SV2C: variants seen among roughly 807,000 people sequenced by gnomAD.
The protein encoded by SV2C is synaptic vesicle glycoprotein 2C, also known as solute carrier family 22 member B3.
SV2C carries 49 observed loss-of-function variants against 79.7 expected under a neutral mutation model. The ratio of observed to expected loss-of-function variants is 0.61; its 90% CI spans 0.49 to 0.78. The LOEUF is 0.78. SV2C is among the 30% of genes least tolerant of loss of function. The probability of loss-of-function intolerance (pLI) is 0.00; values close to 1 mark genes in which losing one functional copy is unlikely to be tolerated. For synonymous variants in SV2C, 334 were observed against 333.2 expected, an observed-to-expected ratio of 1.00 and a Z score of -0.03; for missense variants, 833 against 912.9, an observed-to-expected ratio of 0.91 and a Z score of 1.13.
chr5:76,024,523 T>C, the SV2C span, among the ~76,000 whole-genome samples: 124,485 of 152,134 alleles, frequency 0.82, 51,588 homozygotes, highest in African/African-American at 0.95. Context: ...TTTGTAGGAG[T>C]TTTTTGCTAT....
intron 4 of SV2C, among the ~76,000 whole-genome samples, chr5:76,263,358 C>T (rs1211430342): frequency 6.6e-6 from 1 of 151,934 alleles, no homozygotes; most frequent in Non-Finnish European, 1.5e-5. Context: ...CTATGTGTGT[C>T]TTTGCATGTG....
At chr5:75,914,859 C>A in the SV2C span, among the ~76,000 whole-genome samples, 1 of 152,092 alleles carries the variant, frequency 6.6e-6, no homozygotes, top group Non-Finnish European at 1.5e-5. Flanking sequence ...TAATGACATA[C>A]CTGAAACTGG....
intron 4 of SV2C, among the ~76,000 whole-genome samples, chr5:76,277,779 A>G (rs1406575226): frequency 6.6e-6 from 1 of 151,876 alleles, no homozygotes; most frequent in African/African-American, 2.4e-5. Flanking sequence ...ACAGATTCCA[A>G]AAGCTATGTA....
the SV2C span, among the ~76,000 whole-genome samples, chr5:75,867,820 C>A: frequency 7.2e-5 from 11 of 152,178 alleles, no homozygotes; most frequent in African/African-American, 2.7e-4. Flanking sequence ...CCTCTCTCAG[C>A]AAAAGCTGTG....
upstream of SV2C, chr5:76,079,472 G>C (rs1862519): frequency 0.2 from 56,271 of 283,916 alleles, 6,431 homozygotes; most frequent in East Asian, 0.45. Flanking sequence ...AGAAGGGAGA[G>C]AATTGGATTG....
At chr5:75,852,711 A>G in the SV2C span, among the ~76,000 whole-genome samples, 8 of 151,890 alleles carry the variant, frequency 5.3e-5, no homozygotes, top group African/African-American at 1.9e-4. Context: ...CTGTAGTCCC[A>G]GCTACTTGGG....
chr5:76,283,831 G>A (rs1747266805), intron 4 of SV2C, among the ~76,000 whole-genome samples: 1 of 152,200 alleles, frequency 6.6e-6, no homozygotes, highest in Non-Finnish European at 1.5e-5. Flanking sequence ...GTGTGTGGCT[G>A]TAAGATTCTG....
chr5:75,972,975 T>C, the SV2C span, among the ~76,000 whole-genome samples: 13 of 152,040 alleles, frequency 8.6e-5, no homozygotes, highest in Non-Finnish European at 1.8e-4. Flanking sequence ...GGCACCTATA[T>C]ACCATGGAAT....
intron 3 of SV2C, among the ~76,000 whole-genome samples, chr5:76,195,800 A>G (rs1020290665): frequency 2.6e-5 from 4 of 152,218 alleles, no homozygotes; most frequent in Admixed American, 1.3e-4. Flanking sequence ...AATTTTTATA[A>G]CGAATGGGTA....
chr5:76,104,456 C>G (rs540886138), intron 1 of SV2C, among the ~76,000 whole-genome samples: 1 of 152,310 alleles, frequency 6.6e-6, no homozygotes, highest in East Asian at 1.9e-4. Flanking sequence ...CTGATAATGG[C>G]ACACAGCAGC....
the SV2C span, chr5:75,910,984 G>T: frequency 1.2e-5 from 11 of 937,524 alleles, no homozygotes; most frequent in Non-Finnish European, 1.7e-5. Context: ...GAACATCTAT[G>T]GCCTCCAGTC....
At chr5:76,135,447 T>C (rs189828077) in intron 2 of SV2C, among the ~76,000 whole-genome samples, 109 of 152,006 alleles carry the variant, frequency 7.2e-4, no homozygotes, top group African/African-American at 2.4e-3. Flanking sequence ...GAGGAATCAT[T>C]AAGGAGGTAG....
the SV2C span, among the ~76,000 whole-genome samples, chr5:76,054,109 T>A: frequency 4.6e-5 from 7 of 151,932 alleles, no homozygotes. Context: ...AAGCCCTGCA[T>A]GTATTAGGTA....
intron 1 of SV2C, among the ~76,000 whole-genome samples, chr5:76,114,491 G>T: frequency 6.6e-6 from 1 of 152,210 alleles, no homozygotes. Context: ...AGAGTTTCCT[G>T]AGGTCCAGGA....
the SV2C span, among the ~76,000 whole-genome samples, chr5:75,887,024 G>A: frequency 6.6e-6 from 1 of 152,000 alleles, no homozygotes; most frequent in Non-Finnish European, 1.5e-5. Context: ...GATGCAAGAT[G>A]TAATTTGTCC....
At chr5:76,222,641 T>C (rs12514921) in intron 4 of SV2C, among the ~76,000 whole-genome samples, 53,912 of 152,166 alleles carry the variant, frequency 0.35, 10,628 homozygotes, top group African/African-American at 0.54. Context: ...TATAGTTATG[T>C]AAGATTAACC....
At chr5:75,947,915 G>A in the SV2C span, among the ~76,000 whole-genome samples, 1 of 151,566 alleles carries the variant, frequency 6.6e-6, no homozygotes, top group Non-Finnish European at 1.5e-5. Context: ...ATCAAGAGTA[G>A]GAAGTCTTAT....
intron 1 of SV2C, among the ~76,000 whole-genome samples, chr5:76,103,536 A>C (rs1747808137): frequency 6.6e-6 from 1 of 152,200 alleles, no homozygotes; most frequent in Non-Finnish European, 1.5e-5. Flanking sequence ...GCCAACCTAG[A>C]TGGGTTTGCA....
chr5:76,171,935 T>G (rs1247909158), intron 2 of SV2C, among the ~76,000 whole-genome samples: 4 of 71,404 alleles, frequency 5.6e-5, no homozygotes, highest in Non-Finnish European at 8.6e-5. Flanking sequence ...GGGAGGGAGG[T>G]AGGGGGGTCA....
Sources: allele counts gnomAD v4.1 joint callset (sites outside exome capture counted in the v4.1 genomes callset), GRCh38; gene constraint gnomAD v4.1.1; transcripts MANE v1.5; gene names NCBI Gene and HGNC (gene_info 2026-07-23, HGNC 2026-07-21).